NRXN3: variants seen among roughly 807,000 people sequenced by gnomAD.
NRXN3 encodes the protein neurexin III.
Under a neutral mutation model 137.6 loss-of-function variants are expected in NRXN3, and 32 were observed. That is an observed-to-expected ratio of 0.23 (90% CI 0.18 to 0.31). The LOEUF is 0.31. Ranked by LOEUF, NRXN3 falls within the 10% of genes least tolerant of loss-of-function variation. The pLI is 1.00. For synonymous variants in NRXN3, 798 were observed against 784.5 expected (o/e 1.02, Z -0.29); for missense variants, 1,574 against 2,062.5 (o/e 0.76, Z 4.59).
At chr14:78,332,822 T>G (rs966898386) in intron 4 of NRXN3, among the ~76,000 whole-genome samples, 5 of 112,648 alleles carry the variant, frequency 4.4e-5, no homozygotes, top group African/African-American at 1.5e-4. Flanking sequence ...GAGACAGTTT[T>G]GTCTGGGGCC....
rs116723635 is a variant in NRXN3 at position 78,412,776 on chromosome 14, C to A, written c.757+114916C>A. ...CTAACATTAATTCTGCTTTCCCTTT[C>A]TCTTGAACTGCATCCCCTGTAGTTT... On this transcript the variant is annotated intron_variant, in intron 4 of 20. Coordinates refer to ENST00000335750, the MANE Select transcript of NRXN3 (RefSeq NM_001330195.2). Among the ~76,000 whole-genome samples, 450 of 152,294 alleles carry A rather than the reference C, an allele frequency of 3.0e-3. 8 individuals are homozygous for A. The highest frequency in any genetic ancestry group is 0.01 in the African/African-American group (430 of 41,574).
intron 16 of NRXN3, among the ~76,000 whole-genome samples, chr14:79,552,104 G>A (rs2097378833): frequency 6.6e-6 from 1 of 152,184 alleles, no homozygotes; most frequent in Non-Finnish European, 1.5e-5. Context: ...TTCAGTGCAT[G>A]TATTTACAAA....
chr14:78,440,897 A>C (rs1467146467), intron 4 of NRXN3, among the ~76,000 whole-genome samples: 1 of 152,114 alleles, frequency 6.6e-6, no homozygotes, highest in Non-Finnish European at 1.5e-5. Flanking sequence ...GTTTGTACAA[A>C]TCCTATTGCC....
At chr14:78,967,107 G>A (rs1216013835) in intron 12 of NRXN3, 101 bp from the exon 13 acceptor site, 2 of 923,532 alleles carry the variant, frequency 2.2e-6, no homozygotes, top group East Asian at 2.6e-5. Context: ...TGCCAGTTTA[G>A]CATGGGGGAT....
rs114807747 is a variant in NRXN3, at chr14:79,295,824, G to A, written c.3263-171397G>A. ...GTTGCAGCTGACTCCATAATATCTG[G>A]TCTGCAAAGTTTTCCCTATCTCCCA... is the stretch of plus-strand genomic sequence containing the variant. On this transcript the variant is annotated intron_variant, in intron 15 of 20. Transcript: ENST00000335750. Among the ~76,000 whole-genome samples, 1,037 of 152,194 alleles carry A rather than the reference G, an allele frequency of 6.8e-3. 8 individuals carry two copies. Among genetic ancestry groups the A allele is most frequent in the African/African-American group, 0.023 (974 of 41,520 alleles).
chr14:79,688,557 T>G (rs1224539652), intron 17 of NRXN3, among the ~76,000 whole-genome samples: 4 of 152,192 alleles, frequency 2.6e-5, no homozygotes, highest in African/African-American at 4.8e-5. Context: ...AGTCTCACCT[T>G]AAAGAGGAAT....
intron 10 of NRXN3, among the ~76,000 whole-genome samples, chr14:78,869,856 A>C (rs548720548): frequency 1.4e-4 from 22 of 152,170 alleles, no homozygotes; most frequent in Non-Finnish European, 2.9e-4. Context: ...GGGCCACTGC[A>C]ATGGAATTGT....
At chr14:78,352,438 CA>C (rs1191965804) in intron 4 of NRXN3, among the ~76,000 whole-genome samples, 1 of 152,108 alleles carries the variant, frequency 6.6e-6, no homozygotes, top group Non-Finnish European at 1.5e-5. Context: ...ACCCTGCCCC[CA>C]TGCCCATGTA....
At chr14:79,635,626 G>A (rs561061567) in intron 16 of NRXN3, among the ~76,000 whole-genome samples, 9 of 152,280 alleles carry the variant, frequency 5.9e-5, no homozygotes, top group African/African-American at 2.2e-4. Context: ...CACCTTTGGT[G>A]TTCCTTGGCT....
rs115340790 is a variant in NRXN3, at chr14:79,677,614, T to G, written c.3616+13665T>G. ...TAGAGGAGGCAAACCAAGTGAAATC[T>G]AATAGTTTTGCTTCATTCTGTGACT... is the stretch of plus-strand genomic sequence containing the variant. On this transcript the variant is annotated intron_variant, in intron 17 of 20. Coordinates refer to ENST00000335750, the MANE Select transcript of NRXN3 (RefSeq NM_001330195.2). Among the ~76,000 whole-genome samples, 897 of 152,260 alleles carry G rather than the reference T, an allele frequency of 5.9e-3. 12 individuals carry two copies. The highest frequency in any genetic ancestry group is 0.02 in the African/African-American group (834 of 41,562).
At chr14:78,311,061 A>T (rs1487023169) in intron 4 of NRXN3, among the ~76,000 whole-genome samples, 1 of 152,184 alleles carries the variant, frequency 6.6e-6, no homozygotes, top group African/African-American at 2.4e-5. Flanking sequence ...CTGTGTTTTT[A>T]CCTGTAAAAT....
intron 4 of NRXN3, among the ~76,000 whole-genome samples, chr14:78,594,366 G>A (rs1036285740): frequency 2.6e-5 from 4 of 152,182 alleles, no homozygotes; most frequent in African/African-American, 7.2e-5. Flanking sequence ...TGTCATGTCT[G>A]TTCTCTGTCC....
chr14:79,008,490 A>G (rs1334841861), intron 15 of NRXN3, among the ~76,000 whole-genome samples: 1 of 152,202 alleles, frequency 6.6e-6, no homozygotes, highest in Non-Finnish European at 1.5e-5. Flanking sequence ...CTTAAGAGTT[A>G]TAGATTTATT....
chr14:79,054,572 C>A (rs535908970), intron 15 of NRXN3, among the ~76,000 whole-genome samples: 4 of 152,268 alleles, frequency 2.6e-5, no homozygotes, highest in African/African-American at 9.6e-5. Context: ...GCAGGTTTCC[C>A]AGTCAAAATA....
At chr14:78,822,450 A>G (rs215512) in intron 10 of NRXN3, among the ~76,000 whole-genome samples, 151,639 of 152,120 alleles carry the variant, frequency 1, 75,581 homozygotes, top group East Asian at 1. Context: ...CGAGGTGGGT[A>G]GATCACTTGA....
At chr14:78,636,155 A>C (rs1209179249) in intron 4 of NRXN3, among the ~76,000 whole-genome samples, 2 of 152,190 alleles carry the variant, frequency 1.3e-5, no homozygotes, top group Non-Finnish European at 2.9e-5. Flanking sequence ...GTCAAATCAT[A>C]ATTGTGTCAA....
chr14:78,581,485 C>T (rs74594852), intron 4 of NRXN3, among the ~76,000 whole-genome samples: 11,795 of 152,242 alleles, frequency 0.077, 821 homozygotes, highest in African/African-American at 0.18. Flanking sequence ...GTTCTGCCCT[C>T]ATGGTTTAAC....
intron 10 of NRXN3, among the ~76,000 whole-genome samples, chr14:78,824,103 CTTTTTTTTT>C (rs11387026): frequency 3.0e-5 from 3 of 98,948 alleles, no homozygotes; most frequent in Non-Finnish European, 3.9e-5. Context: ...TCACCTGCTT[CTTTTTTTTT>C]TTTTTTTTTT....
At chr14:79,208,003 GAAGTT>G (rs2067051897) in intron 15 of NRXN3, among the ~76,000 whole-genome samples, 1 of 152,142 alleles carries the variant, frequency 6.6e-6, no homozygotes, top group African/African-American at 2.4e-5. Context: ...AGGAAACTAA[GAAGTT>G]AAGTAACTTG....
Sources: allele counts gnomAD v4.1 joint callset (sites outside exome capture counted in the v4.1 genomes callset), GRCh38; gene constraint gnomAD v4.1.1; transcripts MANE v1.5; gene names NCBI Gene and HGNC (gene_info 2026-07-23, HGNC 2026-07-21).